Variants in ZBED4 observed in about 807,000 individuals in gnomAD.
ZBED4 encodes the protein zinc finger BED domain-containing protein 4.
ZBED4 carries 4 observed loss-of-function variants against 15.5 expected under a neutral mutation model. The ratio of observed to expected loss-of-function variants is 0.26; its 90% CI spans 0.13 to 0.59. ZBED4 has a LOEUF of 0.59. Ranked by LOEUF, ZBED4 falls within the 20% of genes least tolerant of loss-of-function variation. The pLI is 0.90. For synonymous variants in ZBED4, 692 were observed against 608.5 expected (o/e 1.14, Z -2.02); for missense variants, 1,323 against 1,461.8 (o/e 0.91, Z 1.55).
Position 49,889,420 on chromosome 22 carries a change from A to T in ZBED4, c.*2242A>T, listed in dbSNP as rs1053918869. ...TACTCACTGTTTGGCCCTTTCCAGA[A>T]TAGCAAGTTTGCTGGCCCTTGAGCT... On this transcript the variant is annotated 3_prime_UTR_variant, in exon 2 of 2. Coordinates refer to ENST00000216268, the MANE Select transcript of ZBED4 (RefSeq NM_014838.3). 2.4e-5 allele frequency: 4 copies of T among 167,126 alleles called. No individual in the cohort carries two copies. The highest frequency in any genetic ancestry group is 9.6e-5 in the African/African-American group (4 of 41,468). The allele number at this position is 167,126 out of a possible 1,614,324, so 10.4% of individuals were successfully genotyped here. A position where few individuals can be genotyped will look rare whatever the true frequency, so the allele number is the denominator to read the frequency against.
intron 1 of ZBED4, among the ~76,000 whole-genome samples, chr22:49,873,300 A>G (rs373156007): frequency 6.6e-6 from 1 of 152,340 alleles, no homozygotes; most frequent in East Asian, 1.9e-4. Context: ...TAGAGGATTA[A>G]TCGGCCTAAT....
intron 1 of ZBED4, among the ~76,000 whole-genome samples, chr22:49,871,849 G>A (rs1431921196): frequency 1.3e-5 from 2 of 151,712 alleles, no homozygotes; most frequent in African/African-American, 4.8e-5. Flanking sequence ...CCACCTCCTG[G>A]GTTGAAGCGA....
chr22:49,884,780 C>A lies in ZBED4; in HGVS notation c.1118C>A (p.Ser373Tyr). ...CCGGAGGGGGAGCTCAGCTCTGTGTCCTCGTCTCCAGTAAAGCCGGTCAGA... is the reference window on the plus strand; with the variant it reads ...CCGGAGGGGGAGCTCAGCTCTGTGTACTCGTCTCCAGTAAAGCCGGTCAGA... The part of the protein sequence containing the change: ...LPPEGELSSV[S>Y]SSPVKPVRES... The change falls in exon 2 of 2, where the codon TCC becomes TAC. Residue 373 changes from serine (S) to tyrosine (Y), a missense_variant. Coordinates refer to ENST00000216268, the MANE Select transcript of ZBED4 (RefSeq NM_014838.3). The A allele has an allele frequency of 6.2e-7, 1 of 1,606,910 alleles. No individual in the cohort carries two copies. Among genetic ancestry groups the A allele is most frequent in the Non-Finnish European group, 8.5e-7 (1 of 1,175,074 alleles).
rs118101222 is a variant in ZBED4 at position 49,884,250 on chromosome 22, G to A, written c.588G>A (p.Ala196=). The change falls in exon 2 of 2, where the codon GCG becomes GCA. Residue 196 remains alanine (A), a synonymous_variant. Transcript: ENST00000216268. ...SLLLPPQPAD[A]GDLSTILSPI... Reference sequence around the variant, plus strand: ...TGCTTCCACCACAGCCTGCGGACGCGGGTGACCTCAGCACCATCCTCTCAC... The same window carrying A: ...TGCTTCCACCACAGCCTGCGGACGCAGGTGACCTCAGCACCATCCTCTCAC... The A allele has an allele frequency of 2.2e-3, 3,507 of 1,604,654 alleles. 119 individuals are homozygous for A. The East Asian group carries it at 0.07, about 32-fold the overall frequency.
rs1569155651 is a variant in ZBED4, at chr22:49,856,718, CGCGCTG to C, written c.-330+2731_-330+2736del. 9.4e-3 allele frequency among the ~76,000 whole-genome samples: 326 copies of C among 34,740 alleles called. 21 individuals are homozygous for C. The highest frequency in any genetic ancestry group is 0.019 in the East Asian group (7 of 374). The allele number at this position is 34,740 out of a possible 152,430, so 22.8% of individuals were successfully genotyped here. A position where few individuals can be genotyped will look rare whatever the true frequency, so the allele number is the denominator to read the frequency against. ...CCCATCCCTCGTTCTAGGTGAAGGC[CGCGCTG>C]GAATCCCGGCCGGCTTCCCACCTCT... On this transcript the variant is annotated intron_variant, in intron 1 of 1. Coordinates refer to ENST00000216268, the MANE Select transcript of ZBED4 (RefSeq NM_014838.3).
chr22:49,879,002 G>A (rs111932048), intron 1 of ZBED4, among the ~76,000 whole-genome samples: 6,613 of 151,290 alleles, frequency 0.044, 447 homozygotes, highest in African/African-American at 0.15. Context: ...AAAATTAGCC[G>A]GGTGTGGTGG....
Position 49,889,486 on chromosome 22 carries a change from C to T in ZBED4, c.*2308C>T, listed in dbSNP as rs542907161. 1.2e-5 allele frequency: 2 copies of T among 167,078 alleles called. No individual in the cohort carries two copies. Among genetic ancestry groups the T allele is most frequent in the East Asian group, 1.9e-4 (1 of 5,270 alleles). The allele number at this position is 167,078 out of a possible 1,614,324, so 10.3% of individuals were successfully genotyped here. Reference sequence around the variant, plus strand: ...GGTTTTTTTTGTTTGTTTTTTTAAGCTTTCAGCTTCATGCTGCTGTATTTT... The same window carrying T: ...GGTTTTTTTTGTTTGTTTTTTTAAGTTTTCAGCTTCATGCTGCTGTATTTT... On this transcript the variant is annotated 3_prime_UTR_variant, in exon 2 of 2. Coordinates refer to ENST00000216268, the MANE Select transcript of ZBED4 (RefSeq NM_014838.3).
intron 1 of ZBED4, among the ~76,000 whole-genome samples, chr22:49,875,660 A>G (rs2147528974): frequency 6.6e-6 from 1 of 152,126 alleles, no homozygotes; most frequent in African/African-American, 2.4e-5. Context: ...ACCTCAAGTG[A>G]CCTACCTGTC....
chr22:49,861,260 G>T (rs550403165), intron 1 of ZBED4, among the ~76,000 whole-genome samples: 1 of 151,528 alleles, frequency 6.6e-6, no homozygotes, highest in East Asian at 1.9e-4. Flanking sequence ...TTGTGCCTCA[G>T]CCTCCTGAGT....
Position 49,886,774 on chromosome 22 carries a change from T to G in ZBED4, c.3112T>G (p.Ser1038Ala). 6.2e-7 allele frequency: 1 copy of G among 1,612,508 alleles called. No individual in the cohort carries two copies. The highest frequency in any genetic ancestry group is 8.5e-7 in the Non-Finnish European group (1 of 1,179,262). Residue 1038 changes from serine (S) to alanine (A), a missense_variant, in exon 2 of 2, where the codon TCT (serine) becomes GCT (alanine). Physicochemically the swap from Ser to Ala is moderately conservative, Grantham distance 99. Coordinates refer to ENST00000216268, the MANE Select transcript of ZBED4 (RefSeq NM_014838.3). This position sits in a 1 kb window ranked among gnomAD's most constrained non-coding sequence, Gnocchi z 7.7. Reference protein sequence around the residue: ...DLIRELELMNSTSEDVAASHR... With the variant: ...DLIRELELMNATSEDVAASHR... ...AATCAGGGAACTCGAACTCATGAAT[T>G]CTACCTCAGAGGACGTGGCTGCCTC... is the stretch of plus-strand genomic sequence containing the variant.
rs371904225 is a variant in ZBED4, at chr22:49,884,398, G to A, written c.736G>A (p.Gly246Ser). Residue 246 changes from glycine (G) to serine (S), a missense_variant, in exon 2 of 2, where the codon GGC (glycine) becomes AGC (serine). Gly to Ser is a moderately conservative substitution (Grantham distance 56). Transcript: ENST00000216268. ...TGACATGTCCGTTTCGGAGAAGTGC[G>A]GCAGAGAAGAAGCCCTGGTGGGGTC... ...SSDMSVSEKCGREEALVGSSP... is the reference protein window; with the variant it reads ...SSDMSVSEKCSREEALVGSSP... 55 of 1,613,170 alleles carry A rather than the reference G, an allele frequency of 3.4e-5. No homozygotes were observed. The highest frequency in any genetic ancestry group is 2.1e-4 in the African/African-American group (16 of 75,000).
intron 1 of ZBED4, among the ~76,000 whole-genome samples, chr22:49,868,981 G>A (rs1280879791): frequency 6.6e-6 from 1 of 151,822 alleles, no homozygotes; most frequent in Non-Finnish European, 1.5e-5. Flanking sequence ...AAAATTAGCT[G>A]GGTGTGATGG....
intron 1 of ZBED4, among the ~76,000 whole-genome samples, chr22:49,870,727 G>A (rs536463635): frequency 1.1e-3 from 163 of 152,114 alleles, no homozygotes; most frequent in Non-Finnish European, 1.7e-3. Context: ...TTTGTCAGAT[G>A]CATAGTTTGC....
rs1033669719 is a variant in ZBED4 at position 49,889,862 on chromosome 22, G to C, written c.*2684G>C. ...TGCCTCTCCGTTCAGAACCCCAGCT[G>C]CGAGCTGTTTGTTTCCCTGCCTGGA... On this transcript the variant is annotated 3_prime_UTR_variant, in exon 2 of 2. Coordinates refer to ENST00000216268, the MANE Select transcript of ZBED4 (RefSeq NM_014838.3). 1.2e-5 allele frequency: 2 copies of C among 167,064 alleles called. No individual in the cohort carries two copies. The highest frequency in any genetic ancestry group is 1.5e-5 in the Non-Finnish European group (1 of 68,122). The allele number at this position is 167,064 out of a possible 1,614,324, so 10.3% of individuals were successfully genotyped here. A position where few individuals can be genotyped will look rare whatever the true frequency, so the allele number is the denominator to read the frequency against.
At position 49,889,025 on chromosome 22, in the gene ZBED4, CT is replaced by C. The variant is rs2060454513; in HGVS notation, c.*1849del. On this transcript the variant is annotated 3_prime_UTR_variant, in exon 2 of 2. Transcript: ENST00000216268. ...ATCCTTAGAATTTTGGGATATTGAG[CT>C]TCATGGATTTTCTCTCCAAAACAAG... 6.0e-6 allele frequency: 1 copy of C among 167,202 alleles called. No individual in the cohort carries two copies. The highest frequency in any genetic ancestry group is 1.5e-5 in the Non-Finnish European group (1 of 68,114). The allele number at this position is 167,202 out of a possible 1,614,324, so 10.4% of individuals were successfully genotyped here.
In ZBED4 at chr22:49,886,327, C is replaced by G. The variant is rs1269284893; in HGVS notation, c.2665C>G (p.Pro889Ala). The part of the protein sequence containing the change: ...LPQHHLIQDV[P>A]SKWSTSFHML... Reference sequence around the variant, plus strand: ...TCAGCATCACCTCATCCAGGACGTCCCGTCCAAGTGGAGCACTTCCTTCCA... The same window carrying G: ...TCAGCATCACCTCATCCAGGACGTCGCGTCCAAGTGGAGCACTTCCTTCCA... Residue 889 changes from proline (P) to alanine (A), a missense_variant, in exon 2 of 2, where the codon CCG becomes GCG. Transcript: ENST00000216268. This position sits in a 1 kb window ranked among gnomAD's most constrained non-coding sequence, Gnocchi z 7.7. The G allele has an allele frequency of 1.9e-6, 3 of 1,590,916 alleles. No homozygotes were observed. The highest frequency in any genetic ancestry group is 2.7e-5 in the African/African-American group (2 of 74,468).
At chr22:49,865,494 A>G (rs1020558080) in intron 1 of ZBED4, among the ~76,000 whole-genome samples, 1 of 148,056 alleles carries the variant, frequency 6.8e-6, no homozygotes, top group Non-Finnish European at 1.5e-5. Context: ...ATTAAAATAC[A>G]AAAAAAAAAA....
Position 49,883,436 on chromosome 22 carries a change from G to A in ZBED4, c.-227G>A. 1 of 487,958 alleles carries A rather than the reference G, an allele frequency of 2.0e-6. No homozygotes were observed. The highest frequency in any genetic ancestry group is 3.4e-6 in the Non-Finnish European group (1 of 292,510). The allele number at this position is 487,958 out of a possible 1,614,324, so 30.2% of individuals were successfully genotyped here. ...CTGCACACATTGTTGTCTACACCAT[G>A]AGTGTTTAGTAGCAGGACTCTTGGA... On this transcript the variant is annotated 5_prime_UTR_variant, in exon 2 of 2. An upstream start codon of the reference 5' UTR is lost. Transcript: ENST00000216268.
intron 1 of ZBED4, among the ~76,000 whole-genome samples, chr22:49,869,189 C>T (rs146270041): frequency 6.6e-6 from 1 of 151,498 alleles, no homozygotes; most frequent in African/African-American, 2.4e-5. Flanking sequence ...ATCTCAGGGT[C>T]AGGGCAGAGT....
Sources: gnomAD v4.1 joint callset for allele counts (sites outside exome capture counted in the v4.1 genomes callset) on GRCh38, gnomAD v4.1.1 for gene constraint, Gnocchi (gnomAD v3.1) non-coding constraint, MANE v1.5 for transcripts, NCBI Gene and HGNC (gene_info 2026-07-23, HGNC 2026-07-21) for gene names.